KLF8: variants seen among roughly 807,000 people sequenced by gnomAD.
KLF8 encodes Krueppel-like factor 8.
A neutral mutation model predicts 18.2 loss-of-function variants in KLF8; 10 were observed. That is an observed-to-expected ratio of 0.55 (90% CI 0.34 to 0.93). The LOEUF (loss-of-function observed/expected upper bound fraction) is 0.93, where lower values mean the gene tolerates loss of function less well. Ranked by LOEUF, KLF8 falls within the 40% of genes least tolerant of loss-of-function variation. The pLI is 0.02. For synonymous variants in KLF8, 109 were observed against 97.3 expected (o/e 1.12, Z -0.71); for missense variants, 264 against 277.9 (o/e 0.95, Z 0.36).
chrX:56,177,479 G>C, the KLF8 span, among the ~76,000 whole-genome samples: 1 of 110,670 alleles, frequency 9.0e-6, no homozygotes, highest in Admixed American at 9.7e-5. Context: ...TCTCAGAGGA[G>C]TACCCGGCCA....
the KLF8 span, among the ~76,000 whole-genome samples, chrX:56,162,134 T>G: frequency 9.0e-6 from 1 of 111,467 alleles, no homozygotes; most frequent in African/African-American, 3.3e-5. Flanking sequence ...TCTGGAAGTT[T>G]TTTCTCAGAG....
At chrX:56,073,079 C>A in the KLF8 span, among the ~76,000 whole-genome samples, 1 of 109,047 alleles carries the variant, frequency 9.2e-6, no homozygotes, top group African/African-American at 3.4e-5. Context: ...CTCCGCCTCC[C>A]GGGTTCACGC....
At chrX:55,961,339 G>A in the KLF8 span, 1 of 448,834 alleles carries the variant, frequency 2.2e-6, no homozygotes, top group Non-Finnish European at 4.3e-6. Flanking sequence ...TCCCATCCTG[G>A]GAGTCACCAA....
At chrX:56,023,737 G>T in the KLF8 span, among the ~76,000 whole-genome samples, 55 of 110,713 alleles carry the variant, frequency 5.0e-4, no homozygotes, top group South Asian at 0.021. Context: ...ATTATTACCA[G>T]CATTCTTATT....
chrX:55,911,643 G>A, the KLF8 span, among the ~76,000 whole-genome samples: 4 of 111,683 alleles, frequency 3.6e-5, no homozygotes, highest in East Asian at 2.8e-4. Context: ...AGAAGAGTGC[G>A]AGGAAGGGAA....
the KLF8 span, among the ~76,000 whole-genome samples, chrX:56,206,098 G>C: frequency 2.7e-5 from 3 of 110,963 alleles, no homozygotes; most frequent in Non-Finnish European, 5.7e-5. Context: ...TTACTACCAT[G>C]AGAACAGTGT....
intron 1 of KLF8, among the ~76,000 whole-genome samples, chrX:56,238,463 G>A (rs2066505485): frequency 8.9e-6 from 1 of 111,890 alleles, no homozygotes; most frequent in Non-Finnish European, 1.9e-5. Flanking sequence ...CAACAAGAGT[G>A]AAACTCCGTC....
chrX:56,207,063 A>C, the KLF8 span, among the ~76,000 whole-genome samples: 1 of 112,622 alleles, frequency 8.9e-6, no homozygotes, highest in African/African-American at 3.2e-5. Context: ...GGCCCCTTCT[A>C]GCCATGGCTG....
the KLF8 span, among the ~76,000 whole-genome samples, chrX:56,072,363 G>A: frequency 4.5e-5 from 5 of 111,570 alleles, no homozygotes; most frequent in African/African-American, 1.3e-4. Flanking sequence ...TAACTATAAT[G>A]TACTTATTTT....
intron 1 of KLF8, among the ~76,000 whole-genome samples, chrX:56,240,789 A>G (rs929151441): frequency 1.8e-5 from 2 of 111,739 alleles, no homozygotes; most frequent in Admixed American, 9.5e-5. Context: ...TCCCAGCTCA[A>G]TAATTTACCA....
the KLF8 span, among the ~76,000 whole-genome samples, chrX:56,042,156 G>A: frequency 1.8e-5 from 2 of 112,072 alleles, no homozygotes; most frequent in African/African-American, 3.2e-5. Flanking sequence ...TTCAGGAGCA[G>A]GTTGTTCAAT....
intron 1 of KLF8, among the ~76,000 whole-genome samples, chrX:56,237,874 CA>C (rs1350384479): frequency 8.9e-6 from 1 of 111,827 alleles, no homozygotes; most frequent in Non-Finnish European, 1.9e-5. Context: ...GCCACCTTTT[CA>C]CTTTGTACTC....
the KLF8 span, among the ~76,000 whole-genome samples, chrX:56,112,317 C>G: frequency 9.0e-6 from 1 of 110,870 alleles, no homozygotes; most frequent in Non-Finnish European, 1.9e-5. Flanking sequence ...GAACATCACA[C>G]ACTGGGGCCT....
chrX:56,172,576 G>A, the KLF8 span, among the ~76,000 whole-genome samples: 1 of 111,855 alleles, frequency 8.9e-6, no homozygotes, highest in African/African-American at 3.3e-5. Flanking sequence ...ATGTGTGCAT[G>A]TGTCTTTATA....
the KLF8 span, among the ~76,000 whole-genome samples, chrX:56,033,235 ATTATTTTAT>A: frequency 9.0e-6 from 1 of 111,426 alleles, no homozygotes; most frequent in Non-Finnish European, 1.9e-5. Flanking sequence ...TTTGATTTAG[ATTATTTTAT>A]ATTCAAAATA....
the KLF8 span, among the ~76,000 whole-genome samples, chrX:56,035,530 T>C: frequency 1.8e-5 from 2 of 112,109 alleles, no homozygotes; most frequent in East Asian, 5.6e-4. Context: ...TACAGGTTGT[T>C]GAGAAAACTT....
At chrX:55,990,150 A>AT in the KLF8 span, among the ~76,000 whole-genome samples, 3 of 111,169 alleles carry the variant, frequency 2.7e-5, no homozygotes, top group Non-Finnish European at 5.7e-5. Flanking sequence ...TTTTCAAAAA[A>AT]CCAGCTCCTG....
At chrX:56,201,626 T>C in the KLF8 span, among the ~76,000 whole-genome samples, 70 of 111,673 alleles carry the variant, frequency 6.3e-4, no homozygotes, top group Non-Finnish European at 1.2e-3. Context: ...AAAGAATTAT[T>C]ATAGTGAAGA....
the KLF8 span, among the ~76,000 whole-genome samples, chrX:56,184,648 A>G: frequency 9.0e-6 from 1 of 111,719 alleles, no homozygotes; most frequent in African/African-American, 3.2e-5. Context: ...CTGACACCTC[A>G]CACGGCCGGG....
Sources: allele counts gnomAD v4.1 joint callset (sites outside exome capture counted in the v4.1 genomes callset), GRCh38; gene constraint gnomAD v4.1.1; transcripts MANE v1.5; gene names NCBI Gene and HGNC (gene_info 2026-07-23, HGNC 2026-07-21).